The following INSRR variants were observed in gnomAD, a reference collection of about 807,000 sequenced individuals.
INSRR encodes the protein insulin receptor-related protein.
Under a neutral mutation model 130.0 loss-of-function variants are expected in INSRR, and 114 were observed. The observed-to-expected ratio is 0.88, with a 90% CI of 0.75 to 1.02. The LOEUF is 1.02. Among genes scored for constraint, INSRR ranks in the 50% least tolerant of loss-of-function variants. The pLI is 0.00. For synonymous variants in INSRR, 674 were observed against 705.2 expected (o/e 0.96, Z 0.70); for missense variants, 1,657 against 1,735.2 (o/e 0.95, Z 0.80).
Position 156,849,316 on chromosome 1 carries a change from C to T in INSRR, c.1374G>A (p.Glu458=), listed in dbSNP as rs774120377. 1.9e-6 allele frequency: 3 copies of T among 1,613,936 alleles called. No homozygotes were observed. Among genetic ancestry groups the T allele is most frequent in the East Asian group, 2.2e-5 (1 of 44,868 alleles). The change falls in exon 6 of 22, where the codon GAG becomes GAA. Residue 458 remains glutamate, a synonymous_variant. Coordinates refer to ENST00000368195, the MANE Select transcript of INSRR (RefSeq NM_014215.3). ...LCLEHIYRLE[E]VTGTRGRQNK... ...TCTGCCGACCTCGCGTGCCTGTCAC[C>T]TCCTCCAGTCGGTAGATGTGTTCCA...
In INSRR at chr1:156,845,133, C is replaced by T; in HGVS notation, c.2380G>A (p.Ala794Thr). The part of the protein sequence containing the change: ...RIDIHACNHA[A>T]HTVGCSAATF... ...GCGGCGCTGCAGCCCACGGTGTGCG[C>T]CGCGTGGTTGCAGGCATGGATGTCG... The change falls in exon 12 of 22, where the codon GCG becomes ACG. Residue 794 changes from alanine to threonine, a missense_variant. By Grantham distance (58) the Ala-to-Thr change is moderately conservative (BLOSUM62 0). Coordinates refer to ENST00000368195, the MANE Select transcript of INSRR (RefSeq NM_014215.3). 1 of 1,611,888 alleles carries T rather than the reference C, an allele frequency of 6.2e-7. No homozygotes were observed. The highest frequency in any genetic ancestry group is 1.1e-5 in the South Asian group (1 of 90,638).
At chr1:156,841,261 AG>A (rs1386360562) in intron 21 of INSRR, 132 bp downstream of exon 21, 39 of 936,560 alleles carry the variant, frequency 4.2e-5, no homozygotes, top group South Asian at 2.2e-4. Flanking sequence ...GGTTTGGGAT[AG>A]GGGGGTGGCG....
chr1:156,854,118 G>A lies in INSRR; in HGVS notation c.271C>T (p.Leu91=), dbSNP rs757938422. ...DYLLLFRVYG[L]ESLRDLFPNL... is the part of the protein sequence containing the mutation. ...GGGAAGAGGTCGCGCAGGCTCTCCA[G>A]TCCGTAGACACGGAAGAGCAGCAGG... The change falls in exon 2 of 22, where the codon CTG becomes TTG. Residue 91 remains leucine (L), a synonymous_variant. Transcript: ENST00000368195. This position sits in a 1 kb window ranked among gnomAD's most constrained non-coding sequence, Gnocchi z 4.2. 2 of 1,614,156 alleles carry A rather than the reference G, an allele frequency of 1.2e-6. No individual in the cohort carries two copies. Among genetic ancestry groups the A allele is most frequent in the Non-Finnish European group, 1.7e-6 (2 of 1,180,048 alleles).
rs968329200 is a variant in INSRR, at chr1:156,858,951, CGA to C, written c.-332_-331del. On this transcript the variant is annotated 5_prime_UTR_variant, in exon 1 of 22. Transcript: ENST00000368195. ...ACAGGGTTCTGAGCAAAAGGCAGGCCGAGAGGCCAGCCAACCCTGAGGGCGGA... is the reference window on the plus strand; with the variant it reads ...ACAGGGTTCTGAGCAAAAGGCAGGCCGAGGCCAGCCAACCCTGAGGGCGGA... 3.1e-5 allele frequency: 9 copies of C among 294,384 alleles called. No individual in the cohort carries two copies. Among genetic ancestry groups the C allele is most frequent in the African/African-American group, 4.2e-5 (2 of 47,200 alleles). 18.2% of individuals were successfully genotyped at this position (294,384 alleles called of 1,614,324 possible).
At chr1:156,855,137 T>A (rs1289086985) in intron 1 of INSRR, among the ~76,000 whole-genome samples, 1 of 151,736 alleles carries the variant, frequency 6.6e-6, no homozygotes, top group Non-Finnish European at 1.5e-5. Flanking sequence ...TCTGGCCAAA[T>A]GTCCCCTTCT....
intron 21 of INSRR, 100 bp from the exon 22 acceptor site, chr1:156,841,204 G>A: frequency 9.6e-7 from 1 of 1,041,348 alleles, no homozygotes; most frequent in Non-Finnish European, 1.4e-6. Flanking sequence ...GGGATCGTGG[G>A]CCATTATGCC....
intron 1 of INSRR, among the ~76,000 whole-genome samples, chr1:156,858,064 G>A (rs1193497482): frequency 2.0e-5 from 3 of 152,176 alleles, no homozygotes; most frequent in African/African-American, 7.2e-5. Flanking sequence ...ACAGGACAGG[G>A]CCCTGGAGGC....
intron 7 of INSRR, among the ~76,000 whole-genome samples, chr1:156,847,758 G>A (rs67549041): frequency 0.022 from 3,365 of 152,226 alleles, 49 homozygotes; most frequent in Non-Finnish European, 0.036. Flanking sequence ...TTTGGAGTCA[G>A]GATTGGGCAG....
At chr1:156,850,530 C>CATT (rs1655167133) in intron 5 of INSRR, among the ~76,000 whole-genome samples, 1 of 107,150 alleles carries the variant, frequency 9.3e-6, no homozygotes, top group Non-Finnish European at 1.8e-5. Context: ...TAATTTAAAA[C>CATT]ATTCTTTTTT....
At chr1:156,844,929 G>C in intron 12 of INSRR, 86 bp from the exon 13 acceptor site, 1 of 1,582,976 alleles carries the variant, frequency 6.3e-7, no homozygotes, top group Admixed American at 1.7e-5. Context: ...GCTGAGCTGG[G>C]AGGTGGGGAA....
At chr1:156,841,888 T>A in intron 19 of INSRR, 94 bp from the exon 20 acceptor site, 1 of 1,603,350 alleles carries the variant, frequency 6.2e-7, no homozygotes, top group East Asian at 2.2e-5. Flanking sequence ...CTTCTCATCC[T>A]CCAGAGTCAC....
In INSRR at chr1:156,846,814, AC is replaced by A; in HGVS notation, c.1572-58del. 2.9e-6 allele frequency: 4 copies of A among 1,398,942 alleles called. No individual in the cohort carries two copies. The South Asian group carries it at 4.7e-5, about 16-fold the overall frequency. 86.7% of individuals were successfully genotyped at this position (1,398,942 alleles called of 1,614,324 possible). A position where few individuals can be genotyped will look rare whatever the true frequency, so the allele number is the denominator to read the frequency against. On this transcript the variant is annotated intron_variant, in intron 7 of 21. Transcript: ENST00000368195. Reference sequence around the variant, plus strand: ...TTCAACCCCACCCTCAAGTTCTGGCACCCCCGCTCTGAATCACCCCAGGACT... The same window carrying A: ...TTCAACCCCACCCTCAAGTTCTGGCACCCCGCTCTGAATCACCCCAGGACT...
intron 10 of INSRR, 64 bp downstream of exon 10, chr1:156,845,555 G>A: frequency 1.4e-4 from 47 of 331,128 alleles, no homozygotes; most frequent in East Asian, 1.9e-4. Flanking sequence ...CACCCCTCCC[G>A]CAAGACCCGC....
chr1:156,842,593 G>T, intron 17 of INSRR, 85 bp from the exon 18 acceptor site: 10 of 984,992 alleles, frequency 1.0e-5, no homozygotes, highest in Non-Finnish European at 1.4e-5. Flanking sequence ...ACCACAGTCT[G>T]ACTCAGACAC....
intron 7 of INSRR, among the ~76,000 whole-genome samples, chr1:156,848,076 G>A (rs1655073105): frequency 6.6e-6 from 1 of 152,010 alleles, no homozygotes; most frequent in South Asian, 2.1e-4. Flanking sequence ...TGGGGGGCGA[G>A]GCCCAGGAAT....
At position 156,840,955 on chromosome 1, in the gene INSRR, G is replaced by T. The variant is rs374155767; in HGVS notation, c.3812C>A (p.Ser1271Tyr). The T allele has an allele frequency of 1.2e-6, 2 of 1,614,020 alleles. No individual in the cohort carries two copies. The highest frequency in any genetic ancestry group is 4.5e-5 in the East Asian group (2 of 44,874). ...YSPECRGARG[S>Y]LPTTDAEPDS... ...AGGCTCTGCATCGGTGGTAGGCAGG[G>T]AGCCCCGGGCCCCCCGGCATTCCGG... Residue 1271 changes from serine (S) to tyrosine (Y), a missense_variant, in exon 22 of 22, where the codon TCC (serine) becomes TAC (tyrosine). Coordinates refer to ENST00000368195, the MANE Select transcript of INSRR (RefSeq NM_014215.3).
intron 2 of INSRR, 152 bp from the exon 3 acceptor site, chr1:156,852,343 C>T: frequency 1.3e-6 from 1 of 766,916 alleles, no homozygotes; most frequent in Non-Finnish European, 2.1e-6. Flanking sequence ...GACTCTGTTC[C>T]CCTCCGATGG....
rs74367682 is a variant in INSRR at position 156,841,852 on chromosome 1, C to T, written c.3398-58G>A. 3,231 of 1,613,572 alleles carry T rather than the reference C, an allele frequency of 2.0e-3. 2 individuals carry two copies. The highest frequency in any genetic ancestry group is 2.6e-3 in the Non-Finnish European group (3,074 of 1,179,688). On this transcript the variant is annotated intron_variant, in intron 19 of 21. Transcript: ENST00000368195. ...GGGGCATAAGAGCCACGCACTAGCT[C>T]CTGCCCCTGGGATACCTCTCCCAAT...
chr1:156,841,335 G>A (rs769774285), intron 21 of INSRR, 59 bp downstream of exon 21: 597 of 1,529,440 alleles, frequency 3.9e-4, no homozygotes, highest in African/African-American at 8.1e-4. Context: ...TCATGGGGCC[G>A]GGTGGGGGAG....
Sources: allele counts gnomAD v4.1 joint callset (sites outside exome capture counted in the v4.1 genomes callset), GRCh38; gene constraint gnomAD v4.1.1; non-coding constraint Gnocchi (gnomAD v3.1); transcripts MANE v1.5; gene names NCBI Gene and HGNC (gene_info 2026-07-23, HGNC 2026-07-21).